Variants in NQO2 observed in about 807,000 individuals in gnomAD.
NQO2 encodes the protein ribosyldihydronicotinamide dehydrogenase [quinone].
In NQO2, 18 loss-of-function variants were observed where a neutral mutation model predicts 22.0. The observed-to-expected ratio is 0.82, with a 90% CI of 0.56 to 1.21. The LOEUF (loss-of-function observed/expected upper bound fraction) is 1.21, where lower values mean the gene tolerates loss of function less well. Among genes scored for constraint, NQO2 ranks in the 50% most tolerant of loss-of-function variants. The probability of loss-of-function intolerance (pLI) is 0.00; values close to 1 mark genes in which losing one functional copy is unlikely to be tolerated. For missense variants in NQO2, 267 were observed against 286.9 expected (o/e 0.93, Z 0.50); for synonymous variants, 106 against 110.8 (o/e 0.96, Z 0.28).
At chr6:3,016,492 AC>A (rs1229548976) in intron 5 of NQO2, among the ~76,000 whole-genome samples, 6 of 151,768 alleles carry the variant, frequency 4.0e-5, no homozygotes, top group Non-Finnish European at 7.4e-5. Flanking sequence ...AAATAAATGC[AC>A]GTAAGGGAAA....
intron 1 of NQO2, chr6:3,003,423 C>T (rs1335573393): frequency 2.0e-6 from 1 of 506,678 alleles, no homozygotes; most frequent in East Asian, 1.4e-4. Flanking sequence ...CATGTCTCTC[C>T]CTGACACATG....
chr6:3,003,493 T>A, intron 1 of NQO2: 1 of 937,914 alleles, frequency 1.1e-6, no homozygotes, highest in Non-Finnish European at 1.3e-6. Context: ...GCCCCTAGGC[T>A]AGGAGAGCTG....
Position 3,006,443 on chromosome 6 carries a change from C to A in NQO2, c.-85-25C>A, listed in dbSNP as rs189863866. On this transcript the variant is annotated intron_variant, in intron 1 of 6. Coordinates refer to ENST00000380455, the MANE Select transcript of NQO2 (RefSeq NM_000904.6). This position sits in a 1 kb window ranked among gnomAD's most constrained non-coding sequence, Gnocchi z 4.0. ...ACCTCACCTATGCCTCTCCCCACCC[C>A]CTCTGGGTTCGTTTTGTCTTCCAGA... is the stretch of plus-strand genomic sequence containing the variant. 1.2e-4 allele frequency: 196 copies of A among 1,586,160 alleles called. No individual in the cohort carries two copies. In the South Asian group the frequency reaches 1.8e-3, roughly 15 times the overall value.
rs143152254 is a variant in NQO2 at position 3,016,936 on chromosome 6, C to T, written c.470C>T (p.Thr157Met). ...VTTGGTAEMY[T>M]KTGVNGDSRY... is the part of the protein sequence containing the mutation. ...ACGGGAGGCACGGCCGAGATGTACA[C>T]GAAGACAGGAGTCAATGGAGATTCT... The change falls in exon 6 of 7, where the codon ACG becomes ATG. Residue 157 changes from threonine (T) to methionine (M), a missense_variant. Thr to Met is a moderately conservative substitution (Grantham distance 81). Transcript: ENST00000380455. 24 of 1,613,948 alleles carry T rather than the reference C, an allele frequency of 1.5e-5. No individual in the cohort carries two copies. Among genetic ancestry groups the T allele is most frequent in the South Asian group, 4.4e-5 (4 of 91,086 alleles).
At chr6:3,012,834 TACA>T (rs1364572723) in intron 4 of NQO2, among the ~76,000 whole-genome samples, 160 bp downstream of exon 4, 3 of 151,934 alleles carry the variant, frequency 2.0e-5, no homozygotes, top group African/African-American at 7.3e-5. Context: ...AACACCTAGT[TACA>T]ACATTTCACC....
At position 3,015,994 on chromosome 6, in the gene NQO2, CCCTGG is replaced by C. The variant is rs552157596; in HGVS notation, c.417+358_417+362del. Among the ~76,000 whole-genome samples the C allele has an allele frequency of 1.5e-3, 229 of 152,298 alleles. 1 individual carries two copies. Among genetic ancestry groups the C allele is most frequent in the Middle Eastern group, 3.4e-3 (1 of 294 alleles). On this transcript the variant is annotated intron_variant, in intron 5 of 6. Transcript: ENST00000380455. ...AGTATCTCCCTGGTGCAGAGCCCAG[CCCTGG>C]CCTGGCACAAGTTCACCCCCTTGAG...
intron 4 of NQO2, chr6:3,015,040 T>A: frequency 8.2e-7 from 1 of 1,219,020 alleles, no homozygotes. Flanking sequence ...TTAGGGCATC[T>A]ATGGGATAGG....
chr6:3,010,507 C>A (rs1757105929), intron 3 of NQO2, among the ~76,000 whole-genome samples: 1 of 152,004 alleles, frequency 6.6e-6, no homozygotes, highest in African/African-American at 2.4e-5. Flanking sequence ...GTCACAGGTT[C>A]TACACTGGAA....
chr6:3,018,218 T>G (rs1757405032), intron 6 of NQO2, among the ~76,000 whole-genome samples: 1 of 152,234 alleles, frequency 6.6e-6, no homozygotes, highest in Non-Finnish European at 1.5e-5. Flanking sequence ...AAAGTCATGT[T>G]GTCTGAAGCT....
intron 6 of NQO2, 116 bp from the exon 7 acceptor site, chr6:3,019,363 G>GT (rs1363932618): frequency 6.9e-7 from 1 of 1,453,908 alleles, no homozygotes; most frequent in Non-Finnish European, 9.1e-7. Context: ...CATTAAGGTT[G>GT]TTTCATGATT....
chr6:3,014,708 A>G (rs1251322605), intron 4 of NQO2, among the ~76,000 whole-genome samples: 1 of 152,156 alleles, frequency 6.6e-6, no homozygotes, highest in African/African-American at 2.4e-5. Context: ...ATTCATCACT[A>G]CTGCACTACT....
At chr6:3,013,429 G>A (rs1221340014) in intron 4 of NQO2, among the ~76,000 whole-genome samples, 3 of 152,036 alleles carry the variant, frequency 2.0e-5, no homozygotes, top group African/African-American at 2.4e-5. Context: ...TTCTCTTCCC[G>A]TTCCTGCCCT....
chr6:3,013,844 C>T (rs1757230696), intron 4 of NQO2, among the ~76,000 whole-genome samples: 1 of 152,220 alleles, frequency 6.6e-6, no homozygotes, highest in African/African-American at 2.4e-5. Flanking sequence ...ATTATAAGGG[C>T]TCTGGTCACT....
rs570287407 is a variant in NQO2 at position 3,016,385 on chromosome 6, C to T, written c.418-499C>T. On this transcript the variant is annotated intron_variant, in intron 5 of 6. Transcript: ENST00000380455. The stretch of plus-strand genomic sequence containing the variant: ...GGTGGAGGTTGCAGTGAGCCAAAAT[C>T]GCACCATTGCATTCCAGCCTGGGTG... 1.6e-4 allele frequency among the ~76,000 whole-genome samples: 23 copies of T among 142,916 alleles called. 1 individual carries two copies. Among genetic ancestry groups the T allele is most frequent in the South Asian group, 4.3e-4 (2 of 4,632 alleles). 93.8% of individuals were successfully genotyped at this position (142,916 alleles called of 152,430 possible).
Position 3,016,911 on chromosome 6 carries a change from A to G in NQO2, c.445A>G (p.Thr149Ala). Reference sequence around the variant, plus strand: ...TAAACTAGCGCTCCTTTCCGTAACCACGGGAGGCACGGCCGAGATGTACAC... The same window carrying G: ...TAAACTAGCGCTCCTTTCCGTAACCGCGGGAGGCACGGCCGAGATGTACAC... The part of the protein sequence containing the change: ...QGKLALLSVT[T>A]GGTAEMYTKT... The change falls in exon 6 of 7, where the codon ACG becomes GCG. Residue 149 changes from threonine to alanine, a missense_variant. By Grantham distance (58) the Thr-to-Ala change is moderately conservative. Coordinates refer to ENST00000380455, the MANE Select transcript of NQO2 (RefSeq NM_000904.6). 6.2e-7 allele frequency: 1 copy of G among 1,611,404 alleles called. No individual in the cohort carries two copies. Among genetic ancestry groups the G allele is most frequent in the South Asian group, 1.1e-5 (1 of 90,956 alleles).
intron 3 of NQO2, among the ~76,000 whole-genome samples, chr6:3,011,126 T>A (rs1454730033): frequency 2.0e-5 from 3 of 152,166 alleles, no homozygotes; most frequent in Non-Finnish European, 4.4e-5. Flanking sequence ...AACCAGTGAC[T>A]GAACCTAACG....
intron 4 of NQO2, among the ~76,000 whole-genome samples, chr6:3,012,978 C>T (rs866742176): frequency 1.2e-3 from 26 of 21,016 alleles, no homozygotes; most frequent in Middle Eastern, 0.033. Context: ...TTTTTTGAGA[C>T]GGAGTCTCGC....
intron 4 of NQO2, among the ~76,000 whole-genome samples, chr6:3,012,946 C>CTTTTATTTTTT (rs1757191576): frequency 1.6e-5 from 1 of 60,704 alleles, no homozygotes; most frequent in African/African-American, 7.4e-5. Context: ...TGTAACACTA[C>CTTTTATTTTTT]TTTTTTTTTT....
intron 4 of NQO2, among the ~76,000 whole-genome samples, chr6:3,014,185 A>G (rs530452827): frequency 1.3e-5 from 2 of 152,240 alleles, no homozygotes; most frequent in South Asian, 2.1e-4. Context: ...CATAAAAGCA[A>G]CCTGCATGTG....
Sources: allele counts gnomAD v4.1 joint callset (sites outside exome capture counted in the v4.1 genomes callset), GRCh38; gene constraint gnomAD v4.1.1; non-coding constraint Gnocchi (gnomAD v3.1); transcripts MANE v1.5; gene names NCBI Gene and HGNC (gene_info 2026-07-23, HGNC 2026-07-21).